Variants in ANKRD13C observed in about 807,000 individuals in gnomAD.
The protein encoded by ANKRD13C is ankyrin repeat domain 13C.
A neutral mutation model predicts 65.5 loss-of-function variants in ANKRD13C; 16 were observed. The ratio of observed to expected loss-of-function variants is 0.24; its 90% confidence interval spans 0.17 to 0.37. The LOEUF is 0.37. Among genes scored for constraint, ANKRD13C ranks in the 10% least tolerant of loss-of-function variants. The probability of loss-of-function intolerance (pLI) is 1.00; values close to 1 mark genes in which losing one functional copy is unlikely to be tolerated. For synonymous variants in ANKRD13C, 235 were observed against 238.7 expected, an observed-to-expected ratio of 0.98 and a Z score of 0.14; for missense variants, 503 against 655.9, an observed-to-expected ratio of 0.77 and a Z score of 2.55.
chr1:70,318,368 A>G (rs1221172871), intron 3 of ANKRD13C, among the ~76,000 whole-genome samples: 1 of 152,200 alleles, frequency 6.6e-6, no homozygotes, highest in Admixed American at 6.5e-5. Flanking sequence ...AGTTTGACCT[A>G]AAGCTTTTGG....
Position 70,292,437 on chromosome 1 carries a change from A to G in ANKRD13C, c.1166T>C (p.Ile389Thr). Residue 389 changes from isoleucine (I) to threonine (T), a missense_variant, in exon 9 of 13, where the codon ATC becomes ACC. Physicochemically the swap from Ile to Thr is moderately conservative, Grantham distance 89 (BLOSUM62 -1). Transcript: ENST00000370944. Reference sequence around the variant, plus strand: ...TCCACCTTTACTCAAACTCTCCATGATGGCCTTATTTCGAAGAATATCCTC... The same window carrying G: ...TCCACCTTTACTCAAACTCTCCATGGTGGCCTTATTTCGAAGAATATCCTC... Reference protein sequence around the residue: ...SEEDILRNKAIMESLSKGGNI... With the variant: ...SEEDILRNKATMESLSKGGNI... 1.2e-6 allele frequency: 2 copies of G among 1,607,208 alleles called. No homozygotes were observed. Among genetic ancestry groups the G allele is most frequent in the Non-Finnish European group, 1.7e-6 (2 of 1,178,340 alleles).
intron 2 of ANKRD13C, among the ~76,000 whole-genome samples, chr1:70,330,861 A>G (rs1011262275): frequency 1.3e-5 from 2 of 152,164 alleles, no homozygotes; most frequent in African/African-American, 2.4e-5. Flanking sequence ...TAGTTTTTCT[A>G]TATCATCTCG....
At chr1:70,342,523 C>A (rs990021739) in intron 1 of ANKRD13C, among the ~76,000 whole-genome samples, 2 of 151,724 alleles carry the variant, frequency 1.3e-5, no homozygotes, top group African/African-American at 2.4e-5. Flanking sequence ...GGTGACAGAG[C>A]GAGACTCCAA....
chr1:70,305,542 C>T (rs763991470), intron 6 of ANKRD13C: 36 of 151,730 alleles, frequency 2.4e-4, no homozygotes, highest in Non-Finnish European at 4.3e-4. Context: ...CCAATATATG[C>T]ACATATATAC....
chr1:70,321,535 A>G (rs1311997715), intron 3 of ANKRD13C, among the ~76,000 whole-genome samples: 2 of 152,212 alleles, frequency 1.3e-5, no homozygotes, highest in Admixed American at 1.3e-4. Context: ...ATACCATGAC[A>G]TAAGTCTGCA....
intron 6 of ANKRD13C, among the ~76,000 whole-genome samples, chr1:70,301,678 G>A (rs1010391922): frequency 5.3e-5 from 8 of 152,166 alleles, no homozygotes; most frequent in Admixed American, 4.6e-4. Context: ...ACACATTTGT[G>A]TGTTTACTGT....
Position 70,324,728 on chromosome 1 carries a change from A to G in ANKRD13C, c.577+125T>C, listed in dbSNP as rs1175477627. The G allele has an allele frequency of 8.7e-6, 5 of 576,872 alleles. No homozygotes were observed. In the East Asian group the frequency reaches 1.5e-4, roughly 18 times the overall value. The allele number at this position is 576,872 out of a possible 1,614,324, so 35.7% of individuals were successfully genotyped here. On this transcript the variant is annotated intron_variant, in intron 3 of 12. Coordinates refer to ENST00000370944, the MANE Select transcript of ANKRD13C (RefSeq NM_030816.5). The stretch of plus-strand genomic sequence containing the variant: ...AGTTCCTAAGTCATGAATAATTCAC[A>G]TGTAAGTTTACACATAATTGCAAAA...
intron 8 of ANKRD13C, among the ~76,000 whole-genome samples, chr1:70,294,274 T>G (rs1000156276): frequency 1.3e-5 from 2 of 152,182 alleles, no homozygotes; most frequent in Non-Finnish European, 2.9e-5. Context: ...ATATAAAAAC[T>G]GGTGACATTC....
chr1:70,330,759 CAA>C (rs1681760214), intron 2 of ANKRD13C, among the ~76,000 whole-genome samples: 1 of 151,672 alleles, frequency 6.6e-6, no homozygotes, highest in Non-Finnish European at 1.5e-5. Flanking sequence ...ATTGCAGATC[CAA>C]AAAAGACTGA....
intron 11 of ANKRD13C, among the ~76,000 whole-genome samples, chr1:70,271,554 C>T (rs1381139662): frequency 6.6e-6 from 1 of 152,088 alleles, no homozygotes. Flanking sequence ...CTTCAGTTGC[C>T]TCCATACATA....
intron 6 of ANKRD13C, 72 bp downstream of exon 6, chr1:70,306,152 T>C (rs1395745083): frequency 3.7e-6 from 4 of 1,083,836 alleles, no homozygotes; most frequent in South Asian, 1.7e-5. Context: ...ATGTAAGTTA[T>C]GATTACAGGG....
chr1:70,293,294 C>CA (rs919195207), intron 8 of ANKRD13C, among the ~76,000 whole-genome samples: 49 of 150,944 alleles, frequency 3.2e-4, no homozygotes, highest in Admixed American at 1.7e-3. Flanking sequence ...AAAAAAAAAA[C>CA]AAAAAAAAGA....
At chr1:70,331,483 T>A (rs1681795810) in intron 2 of ANKRD13C, among the ~76,000 whole-genome samples, 1 of 151,736 alleles carries the variant, frequency 6.6e-6, no homozygotes, top group African/African-American at 2.4e-5. Flanking sequence ...GTACAGTGTA[T>A]CTTAAAAGAA....
At chr1:70,331,189 T>C (rs1429346268) in intron 2 of ANKRD13C, among the ~76,000 whole-genome samples, 9 of 152,154 alleles carry the variant, frequency 5.9e-5, no homozygotes, top group Non-Finnish European at 1.5e-5. Flanking sequence ...TCACTAAAGG[T>C]ACAGTGTATC....
At position 70,274,631 on chromosome 1, in the gene ANKRD13C, C is replaced by T. The variant is rs1186139919; in HGVS notation, c.1394+89G>A. On this transcript the variant is annotated intron_variant, in intron 11 of 12. Coordinates refer to ENST00000370944, the MANE Select transcript of ANKRD13C (RefSeq NM_030816.5). ...TATTTGCTTTTCATTTCAAAGGTCT[C>T]AAATGCACCACTGGGGTGCAAATAT... 3.1e-6 allele frequency: 3 copies of T among 962,892 alleles called. No individual in the cohort carries two copies. The African/African-American group carries it at 4.9e-5, about 16-fold the overall frequency. The allele number at this position is 962,892 out of a possible 1,614,324, so 59.6% of individuals were successfully genotyped here. A position where few individuals can be genotyped will look rare whatever the true frequency, so the allele number is the denominator to read the frequency against.
chr1:70,271,632 A>C (rs977583139), intron 11 of ANKRD13C, among the ~76,000 whole-genome samples: 1 of 152,192 alleles, frequency 6.6e-6, no homozygotes, highest in Non-Finnish European at 1.5e-5. Flanking sequence ...ATATGAAAAA[A>C]TGGAAGGCCA....
intron 5 of ANKRD13C, 47 bp downstream of exon 5, chr1:70,313,698 T>G (rs896788183): frequency 5.7e-6 from 8 of 1,405,340 alleles, no homozygotes; most frequent in Non-Finnish European, 8.0e-6. Flanking sequence ...TGTACTTGCA[T>G]TTCTGCATAA....
At chr1:70,285,720 T>A (rs527637348) in intron 9 of ANKRD13C, among the ~76,000 whole-genome samples, 83 of 149,534 alleles carry the variant, frequency 5.6e-4, no homozygotes, top group Non-Finnish European at 6.7e-4. Context: ...AACCTCTGCC[T>A]CCCAGGCTCA....
chr1:70,340,089 A>G (rs1182455364), intron 1 of ANKRD13C, among the ~76,000 whole-genome samples: 1 of 151,880 alleles, frequency 6.6e-6, no homozygotes, highest in Non-Finnish European at 1.5e-5. Context: ...GACTCAAGCA[A>G]TCCTCCCACC....
Sources: allele counts gnomAD v4.1 joint callset (sites outside exome capture counted in the v4.1 genomes callset), GRCh38; gene constraint gnomAD v4.1.1; transcripts MANE v1.5; gene names NCBI Gene and HGNC (gene_info 2026-07-23, HGNC 2026-07-21).